Variants in KHDRBS3 observed in about 807,000 individuals in gnomAD.
KHDRBS3 encodes KH RNA binding domain containing, signal transduction associated 3, also known as KH domain-containing, RNA-binding, signal transduction-associated protein 3.
In KHDRBS3, 23 loss-of-function variants were observed where a neutral mutation model predicts 45.6. The observed-to-expected ratio is 0.50, with a 90% CI of 0.36 to 0.72. KHDRBS3 has a LOEUF of 0.72. KHDRBS3 is among the 30% of genes least tolerant of loss of function. The pLI is 0.00. For missense variants in KHDRBS3, 352 were observed against 424.8 expected, an observed-to-expected ratio of 0.83 and a Z score of 1.51; for synonymous variants, 162 against 156.5, an observed-to-expected ratio of 1.04 and a Z score of -0.26.
chr8:135,652,993 T>G (rs1162003039), intron 4 of KHDRBS3, among the ~76,000 whole-genome samples: 1 of 152,208 alleles, frequency 6.6e-6, no homozygotes, highest in East Asian at 1.9e-4. Flanking sequence ...TCCTTTCATT[T>G]GAGGAGAACT....
At chr8:135,636,645 A>T (rs528345116) in intron 7 of KHDRBS3, among the ~76,000 whole-genome samples, 3 of 152,234 alleles carry the variant, frequency 2.0e-5, no homozygotes, top group Non-Finnish European at 4.4e-5. Context: ...AGAAGAATAA[A>T]GCAAGCTGTC....
At chr8:135,558,228 C>A (rs116803034) in intron 5 of KHDRBS3, among the ~76,000 whole-genome samples, 2,075 of 152,256 alleles carry the variant, frequency 0.014, 36 homozygotes, top group African/African-American at 0.047. Context: ...GGTCTAGGCA[C>A]ACACATTTTT....
intron 1 of KHDRBS3, among the ~76,000 whole-genome samples, chr8:135,477,094 G>A (rs896120843): frequency 6.6e-6 from 1 of 152,048 alleles, no homozygotes; most frequent in African/African-American, 2.4e-5. Context: ...TCCAGGATCT[G>A]TTTTCCAGAT....
At chr8:135,510,194 A>T (rs890922035) in intron 1 of KHDRBS3, among the ~76,000 whole-genome samples, 3 of 151,904 alleles carry the variant, frequency 2.0e-5, no homozygotes, top group Admixed American at 6.6e-5. Flanking sequence ...AACTCCTGGG[A>T]TCAAGTGACC....
rs1444845678 is a variant in KHDRBS3, at chr8:135,638,128, A to G, written c.891-6931A>G. ...TAGGGAAGATTTAACCCCCACATCA[A>G]TGGCTATAAAGGATAGAAAGAAGCT... On this transcript the variant is annotated intron_variant, in intron 7 of 8. Coordinates refer to ENST00000355849, the MANE Select transcript of KHDRBS3 (RefSeq NM_006558.3). 4.6e-5 allele frequency among the ~76,000 whole-genome samples: 7 copies of G among 152,188 alleles called. No individual in the cohort carries two copies. In the East Asian group the frequency reaches 9.6e-4, roughly 21 times the overall value.
At chr8:135,482,045 G>C (rs1328888221) in intron 1 of KHDRBS3, among the ~76,000 whole-genome samples, 2 of 152,188 alleles carry the variant, frequency 1.3e-5, no homozygotes, top group African/African-American at 4.8e-5. Flanking sequence ...AATGGGCAGA[G>C]AGCTTTCTTT....
chr8:135,551,588 TC>T (rs1323628808), intron 4 of KHDRBS3, among the ~76,000 whole-genome samples: 1 of 152,188 alleles, frequency 6.6e-6, no homozygotes, highest in Non-Finnish European at 1.5e-5. Context: ...ACATTTGCAT[TC>T]CGAGGATAAT....
At chr8:135,576,614 C>A (rs906268662) in intron 5 of KHDRBS3, among the ~76,000 whole-genome samples, 3 of 151,912 alleles carry the variant, frequency 2.0e-5, no homozygotes, top group Non-Finnish European at 4.4e-5. Flanking sequence ...TACTTTCTGG[C>A]ACTACACATT....
rs77924838 is a variant in KHDRBS3 at position 135,623,368 on chromosome 8, T to C, written c.890+16331T>C. ...GTCTGAATTTGAATCCTGACTGTCA[T>C]GTAATGTGTGACCTTGAGCGAGCCG... On this transcript the variant is annotated intron_variant, in intron 7 of 8. Coordinates refer to ENST00000355849, the MANE Select transcript of KHDRBS3 (RefSeq NM_006558.3). Among the ~76,000 whole-genome samples, 5 of 152,220 alleles carry C rather than the reference T, an allele frequency of 3.3e-5. No individual in the cohort carries two copies. The East Asian group carries it at 7.7e-4, about 23-fold the overall frequency.
chr8:135,588,360 A>G (rs1220050417), intron 6 of KHDRBS3, among the ~76,000 whole-genome samples: 3 of 152,070 alleles, frequency 2.0e-5, no homozygotes, highest in Admixed American at 6.5e-5. Flanking sequence ...CCAGGCAGCC[A>G]CCCTCGCGCG....
chr8:135,477,856 T>C (rs565408827), intron 1 of KHDRBS3, among the ~76,000 whole-genome samples: 1 of 152,216 alleles, frequency 6.6e-6, no homozygotes, highest in South Asian at 2.1e-4. Flanking sequence ...GATGCTGCAG[T>C]TTTCAGAACA....
chr8:135,598,980 A>G (rs1829090755), intron 6 of KHDRBS3, among the ~76,000 whole-genome samples: 1 of 152,220 alleles, frequency 6.6e-6, no homozygotes, highest in Non-Finnish European at 1.5e-5. Context: ...TTCACTTAAA[A>G]TGATTTTTCC....
At position 135,542,648 on chromosome 8, in the gene KHDRBS3, T is replaced by C; in HGVS notation, c.208-6T>C. 6.3e-7 allele frequency: 1 copy of C among 1,597,700 alleles called. No homozygotes were observed. Among genetic ancestry groups the C allele is most frequent in the Non-Finnish European group, 8.6e-7 (1 of 1,166,304 alleles). On this transcript the variant is annotated splice_region_variant and splice_polypyrimidine_tract_variant and intron_variant, in intron 2 of 8. Transcript: ENST00000355849. The stretch of plus-strand genomic sequence containing the variant: ...TGCTACAAATTTGGTTGTTTATTTT[T>C]CCTAGTTCAACTTTGTGGGGAAACT...
intron 4 of KHDRBS3, among the ~76,000 whole-genome samples, chr8:135,554,342 T>C (rs1826770667): frequency 6.6e-6 from 1 of 152,172 alleles, no homozygotes; most frequent in Non-Finnish European, 1.5e-5. Flanking sequence ...CAATTTAGTA[T>C]TACACCTCCT....
chr8:135,531,188 C>T (rs763377339), intron 2 of KHDRBS3, among the ~76,000 whole-genome samples: 37 of 151,918 alleles, frequency 2.4e-4, no homozygotes, highest in Non-Finnish European at 5.1e-4. Flanking sequence ...TTTTTTTGCT[C>T]ATATTATATT....
chr8:135,526,523 T>C (rs1238183084), intron 2 of KHDRBS3, among the ~76,000 whole-genome samples: 1 of 152,130 alleles, frequency 6.6e-6, no homozygotes, highest in Admixed American at 6.5e-5. Context: ...CAAGCTAATA[T>C]AGCACTGCAA....
intron 7 of KHDRBS3, among the ~76,000 whole-genome samples, chr8:135,627,518 G>T (rs749514057): frequency 2.6e-5 from 4 of 152,194 alleles, no homozygotes; most frequent in Non-Finnish European, 4.4e-5. Flanking sequence ...AGAAGGTGAA[G>T]ATGCATGTTA....
At position 135,627,163 on chromosome 8, in the gene KHDRBS3, G is replaced by A. The variant is rs117278685; in HGVS notation, c.891-17896G>A. Among the ~76,000 whole-genome samples, 847 of 152,324 alleles carry A rather than the reference G, an allele frequency of 5.6e-3. 17 individuals carry two copies. The highest frequency in any genetic ancestry group is 0.032 in the Admixed American group (493 of 15,304). On this transcript the variant is annotated intron_variant, in intron 7 of 8. Coordinates refer to ENST00000355849, the MANE Select transcript of KHDRBS3 (RefSeq NM_006558.3). The stretch of plus-strand genomic sequence containing the variant: ...TTTTAGTTTTCTCTCATGCAAGGAT[G>A]TAATCAGCTCCAAGCTCACGTGACA...
intron 4 of KHDRBS3, among the ~76,000 whole-genome samples, chr8:135,654,732 G>A (rs759529049): frequency 9.2e-5 from 14 of 152,302 alleles, no homozygotes; most frequent in South Asian, 4.1e-4. Context: ...GGGCTGGCCC[G>A]TGGTGGGGCA....
Sources: allele counts gnomAD v4.1 joint callset (sites outside exome capture counted in the v4.1 genomes callset), GRCh38; gene constraint gnomAD v4.1.1; transcripts MANE v1.5; gene names NCBI Gene and HGNC (gene_info 2026-07-23, HGNC 2026-07-21).